CDH9: variants seen among roughly 807,000 people sequenced by gnomAD.
CDH9 encodes cadherin 9.
In CDH9, 28 loss-of-function variants were observed where a neutral mutation model predicts 70.9. The observed-to-expected ratio is 0.40, with a 90% CI of 0.29 to 0.54. The LOEUF is 0.54. CDH9 is among the 20% of genes least tolerant of loss of function. CDH9 has a pLI of 0.59. For missense variants in CDH9, 874 were observed against 984.4 expected (o/e 0.89, Z 1.50); for synonymous variants, 409 against 343.1 (o/e 1.19, Z -2.12).
At chr5:26,942,398 A>G (rs2112036938) in intron 2 of CDH9, among the ~76,000 whole-genome samples, 2 of 152,172 alleles carry the variant, frequency 1.3e-5, no homozygotes, top group South Asian at 4.2e-4. Context: ...TAATCCATAA[A>G]TGGGTTAATC....
intron 1 of CDH9, among the ~76,000 whole-genome samples, chr5:27,009,086 T>TA (rs1742914259): frequency 6.6e-6 from 1 of 152,132 alleles, no homozygotes; most frequent in African/African-American, 2.4e-5. Context: ...GGTTACCAAA[T>TA]ATGAGAATGA....
chr5:26,930,366 CA>C (rs1741421436), intron 2 of CDH9, among the ~76,000 whole-genome samples: 1 of 152,100 alleles, frequency 6.6e-6, no homozygotes, highest in East Asian at 1.9e-4. Context: ...GGATTGGTTT[CA>C]GGGCTCTATA....
chr5:27,017,174 T>C (rs1402049246), intron 1 of CDH9, among the ~76,000 whole-genome samples: 4 of 151,934 alleles, frequency 2.6e-5, no homozygotes, highest in Non-Finnish European at 5.9e-5. Context: ...ACCTTAATCA[T>C]AAGAGACACA....
Position 26,988,089 on chromosome 5 carries a change from C to T in CDH9, c.228+17G>A, listed in dbSNP as rs1415508720. On this transcript the variant is annotated intron_variant, in intron 2 of 11. Coordinates refer to ENST00000231021, the MANE Select transcript of CDH9 (RefSeq NM_016279.4). The stretch of plus-strand genomic sequence containing the variant: ...TGTCACTTTCAGCTTTTAGATTTCT[C>T]ATACAAAAATTCTTACCTTGCCTAC... 6.4e-7 allele frequency: 1 copy of T among 1,562,680 alleles called. No individual in the cohort carries two copies. The highest frequency in any genetic ancestry group is 8.8e-7 in the Non-Finnish European group (1 of 1,140,912).
chr5:27,026,830 T>C (rs1046019353), intron 1 of CDH9, among the ~76,000 whole-genome samples: 3 of 152,040 alleles, frequency 2.0e-5, no homozygotes, highest in African/African-American at 7.2e-5. Flanking sequence ...TTAATTTTGG[T>C]GAATGTTACT....
intron 1 of CDH9, among the ~76,000 whole-genome samples, chr5:27,005,125 A>C (rs1742838598): frequency 6.6e-6 from 1 of 152,130 alleles, no homozygotes; most frequent in African/African-American, 2.4e-5. Context: ...AGAAATTATA[A>C]TAAATCTTTA....
chr5:26,997,275 A>G (rs955226410), intron 1 of CDH9, among the ~76,000 whole-genome samples: 2 of 150,674 alleles, frequency 1.3e-5, no homozygotes, highest in Non-Finnish European at 3.0e-5. Flanking sequence ...ACATATATGT[A>G]TGTGTGTGTG....
chr5:27,029,256 A>T (rs890490802), intron 1 of CDH9, among the ~76,000 whole-genome samples: 1 of 152,064 alleles, frequency 6.6e-6, no homozygotes, highest in African/African-American at 2.4e-5. Context: ...TTTAGAGGCA[A>T]TATCAAAGAG....
At chr5:26,944,425 A>C (rs976699509) in intron 2 of CDH9, among the ~76,000 whole-genome samples, 1 of 152,150 alleles carries the variant, frequency 6.6e-6, no homozygotes, top group African/African-American at 2.4e-5. Flanking sequence ...CTGGGGCAAG[A>C]GGATCGCTTG....
intron 2 of CDH9, 140 bp from the exon 3 acceptor site, chr5:26,916,064 G>C (rs1422135642): frequency 7.0e-6 from 4 of 574,710 alleles, no homozygotes; most frequent in Non-Finnish European, 1.2e-5. Context: ...TTTGCTGTGA[G>C]AGGGAGTTAA....
chr5:26,998,732 A>C (rs1742712086), intron 1 of CDH9, among the ~76,000 whole-genome samples: 1 of 151,878 alleles, frequency 6.6e-6, no homozygotes, highest in Admixed American at 6.6e-5. Flanking sequence ...AAGTATAATA[A>C]TAAAAAAAAA....
At chr5:26,984,639 T>C (rs1197161976) in intron 2 of CDH9, among the ~76,000 whole-genome samples, 1 of 152,132 alleles carries the variant, frequency 6.6e-6, no homozygotes, top group Admixed American at 6.5e-5. Flanking sequence ...GGACATTTGC[T>C]ATGCTTCTTG....
intron 2 of CDH9, among the ~76,000 whole-genome samples, chr5:26,920,434 G>T (rs536693136): frequency 2.6e-4 from 39 of 152,052 alleles, no homozygotes; most frequent in African/African-American, 8.7e-4. Context: ...TAGGACCAGG[G>T]GAAACTCACT....
intron 2 of CDH9, among the ~76,000 whole-genome samples, chr5:26,947,037 A>G (rs990823206): frequency 6.6e-6 from 1 of 152,168 alleles, no homozygotes; most frequent in African/African-American, 2.4e-5. Context: ...CATAATTGTT[A>G]TGGATATTAT....
At position 27,029,512 on chromosome 5, in the gene CDH9, G is replaced by T. The variant is rs370378221; in HGVS notation, c.-50+8951C>A. Among the ~76,000 whole-genome samples the T allele has an allele frequency of 5.7e-4, 86 of 152,104 alleles. 1 individual carries two copies. In the South Asian group the frequency reaches 0.018, roughly 32 times the overall value. On this transcript the variant is annotated intron_variant, in intron 1 of 11. Coordinates refer to ENST00000231021, the MANE Select transcript of CDH9 (RefSeq NM_016279.4). ...ATATTTTATCACAATGACAAGAAAA[G>T]AATCTCTATGTGAAGTTGTTTGAAA...
intron 1 of CDH9, among the ~76,000 whole-genome samples, chr5:27,037,805 A>C (rs1743419899): frequency 6.6e-6 from 1 of 152,012 alleles, no homozygotes; most frequent in Non-Finnish European, 1.5e-5. Flanking sequence ...ATAGAAAGCA[A>C]TTATAGCTCA....
intron 1 of CDH9, among the ~76,000 whole-genome samples, chr5:27,007,707 A>G (rs1742890238): frequency 6.6e-6 from 1 of 152,082 alleles, no homozygotes; most frequent in Non-Finnish European, 1.5e-5. Flanking sequence ...TATCTTAATT[A>G]ATTCAATAAA....
At chr5:26,937,179 G>A (rs2112030888) in intron 2 of CDH9, among the ~76,000 whole-genome samples, 1 of 152,182 alleles carries the variant, frequency 6.6e-6, no homozygotes, top group South Asian at 2.1e-4. Context: ...GAACTCTTAA[G>A]AAAATAAATA....
intron 1 of CDH9, among the ~76,000 whole-genome samples, chr5:27,007,923 G>T (rs1742894660): frequency 6.6e-6 from 1 of 151,642 alleles, no homozygotes. Flanking sequence ...TTTTTTTCAG[G>T]TTAAATTTAT....
Sources: allele counts gnomAD v4.1 joint callset (sites outside exome capture counted in the v4.1 genomes callset), GRCh38; gene constraint gnomAD v4.1.1; transcripts MANE v1.5; gene names NCBI Gene and HGNC (gene_info 2026-07-23, HGNC 2026-07-21).